Variants in STX11 observed in about 807,000 individuals in gnomAD.
The protein encoded by STX11 is syntaxin 11, also known as syntaxin-11.
STX11 carries 21 observed loss-of-function variants against 19.9 expected under a neutral mutation model. That is an observed-to-expected ratio of 1.06 (90% CI 0.75 to 1.52). The LOEUF (loss-of-function observed/expected upper bound fraction) is 1.52, where lower values mean the gene tolerates loss of function less well. Among genes scored for constraint, STX11 ranks in the 40% most tolerant of loss-of-function variants. The pLI is 0.00. For synonymous variants in STX11, 193 were observed against 174.4 expected, an observed-to-expected ratio of 1.11 and a Z score of -0.84; for missense variants, 438 against 405.9, an observed-to-expected ratio of 1.08 and a Z score of -0.68.
chr6:144,179,993 T>C (rs1305065031), intron 1 of STX11, among the ~76,000 whole-genome samples: 2 of 152,204 alleles, frequency 1.3e-5, no homozygotes, highest in Non-Finnish European at 1.5e-5. Context: ...AAAGACTCTC[T>C]TTTTCTTTCT....
intron 1 of STX11, among the ~76,000 whole-genome samples, chr6:144,186,110 A>G (rs1017792030): frequency 3.7e-5 from 5 of 135,888 alleles, no homozygotes; most frequent in Non-Finnish European, 7.6e-5. Context: ...ACATAAAGCA[A>G]TGAAAAGAGA....
rs1801318110 is a variant in STX11 at position 144,160,885 on chromosome 6, C to T, written c.-6+10182C>T. On this transcript the variant is annotated intron_variant, in intron 1 of 1. Transcript: ENST00000367568. This position sits in a 1 kb window ranked among gnomAD's most constrained non-coding sequence, Gnocchi z 4.3. ...AGGTCCTGTGATGACGACCATTTGCCATGTATTTTCATATCTTTCCTCACC... is the reference window on the plus strand; with the variant it reads ...AGGTCCTGTGATGACGACCATTTGCTATGTATTTTCATATCTTTCCTCACC... Among the ~76,000 whole-genome samples, 1 of 152,134 alleles carries T rather than the reference C, an allele frequency of 6.6e-6. No individual in the cohort carries two copies. Among genetic ancestry groups the T allele is most frequent in the South Asian group, 2.1e-4 (1 of 4,832 alleles).
At chr6:144,141,706 T>G in the STX11 span, among the ~76,000 whole-genome samples, 1 of 151,918 alleles carries the variant, frequency 6.6e-6, no homozygotes, top group Admixed American at 6.6e-5. Flanking sequence ...TGAGACAGGG[T>G]CTCATTCCAT....
intron 1 of STX11, among the ~76,000 whole-genome samples, chr6:144,181,232 C>T (rs1801904514): frequency 6.6e-6 from 1 of 152,034 alleles, no homozygotes; most frequent in African/African-American, 2.4e-5. Flanking sequence ...CAGGTTTTTG[C>T]TCATCGAGAT....
upstream of STX11, among the ~76,000 whole-genome samples, chr6:144,145,859 A>G (rs1800863821): frequency 6.6e-6 from 1 of 152,162 alleles, no homozygotes; most frequent in African/African-American, 2.4e-5. Context: ...TGGGAAGATA[A>G]AAATGTTCAG....
Position 144,152,906 on chromosome 6 carries a change from T to A in STX11, c.-6+2203T>A, listed in dbSNP as rs1227118173. Among the ~76,000 whole-genome samples the A allele has an allele frequency of 6.6e-6, 1 of 152,268 alleles. No homozygotes were observed. The highest frequency in any genetic ancestry group is 1.5e-5 in the Non-Finnish European group (1 of 68,050). On this transcript the variant is annotated intron_variant, in intron 1 of 1. Coordinates refer to ENST00000367568, the MANE Select transcript of STX11 (RefSeq NM_003764.4). This position sits in a 1 kb window ranked among gnomAD's most constrained non-coding sequence, Gnocchi z 4.9. Reference sequence around the variant, plus strand: ...GCCTTGGCCTCCCAAAGTGCTGGGATTGCAGATGTGAGCCACCATGCCCTG... The same window carrying A: ...GCCTTGGCCTCCCAAAGTGCTGGGAATGCAGATGTGAGCCACCATGCCCTG...
In STX11 at chr6:144,187,063, T is replaced by A; in HGVS notation, c.436T>A (p.Tyr146Asn). The change falls in exon 2 of 2, where the codon TAC becomes AAC. Residue 146 changes from tyrosine to asparagine, a missense_variant. Physicochemically the swap from Tyr to Asn is moderately radical, Grantham distance 143. Coordinates refer to ENST00000367568, the MANE Select transcript of STX11 (RefSeq NM_003764.4). This position sits in a 1 kb window ranked among gnomAD's most constrained non-coding sequence, Gnocchi z 5.6. ...CACCTTCCAGCGCGCCATGCACGAC[T>A]ACAACCAGGCCGAGATGAAGCAGCG... Reference protein sequence around the residue: ...TLTFQRAMHDYNQAEMKQRDN... With the variant: ...TLTFQRAMHDNNQAEMKQRDN... 1 of 1,613,394 alleles carries A rather than the reference T, an allele frequency of 6.2e-7. No homozygotes were observed. Among genetic ancestry groups the A allele is most frequent in the South Asian group, 1.1e-5 (1 of 91,086 alleles).
chr6:144,186,497 C>A, intron 1 of STX11, 126 bp from the exon 2 acceptor site: 1 of 1,129,780 alleles, frequency 8.9e-7, no homozygotes, highest in Non-Finnish European at 1.3e-6. Context: ...TCCTTTAGTG[C>A]ACTTATTGCC....
intron 1 of STX11, among the ~76,000 whole-genome samples, chr6:144,179,873 G>A (rs914499643): frequency 6.6e-6 from 1 of 152,344 alleles, no homozygotes; most frequent in East Asian, 1.9e-4. Context: ...TAGGAGGTAT[G>A]TCATAGAATC....
In STX11 at chr6:144,153,744, A is replaced by G. The variant is rs1266672546; in HGVS notation, c.-6+3041A>G. On this transcript the variant is annotated intron_variant, in intron 1 of 1. Transcript: ENST00000367568. The surrounding 1 kb of genome is among the most constrained non-coding windows in gnomAD (Gnocchi z 5.0). ...TCGGGCAGTGACAATGCAGATGGGA[A>G]AAGAGGGAAGGGGCTGGTAGAGGTT... 6.6e-6 allele frequency among the ~76,000 whole-genome samples: 1 copy of G among 152,184 alleles called. No homozygotes were observed. Among genetic ancestry groups the G allele is most frequent in the African/African-American group, 2.4e-5 (1 of 41,456 alleles).
chr6:144,143,042 CCAATT>C, the STX11 span, among the ~76,000 whole-genome samples: 6 of 152,116 alleles, frequency 3.9e-5, no homozygotes, highest in Non-Finnish European at 7.4e-5. Flanking sequence ...ATATTATGTA[CCAATT>C]CAAAACACTA....
Position 144,184,531 on chromosome 6 carries a change from T to C in STX11, c.-5-2092T>C, listed in dbSNP as rs571681617. 7.0e-4 allele frequency among the ~76,000 whole-genome samples: 107 copies of C among 152,254 alleles called. No homozygotes were observed. Among genetic ancestry groups the C allele is most frequent in the Non-Finnish European group, 1.4e-3 (92 of 68,040 alleles). The stretch of plus-strand genomic sequence containing the variant: ...CTCAGCAGTTTAATTTGCATTTCCT[T>C]GTTTAATACAGAAGTCTTTTGTGAC... On this transcript the variant is annotated intron_variant, in intron 1 of 1. Coordinates refer to ENST00000367568, the MANE Select transcript of STX11 (RefSeq NM_003764.4). This position sits in a 1 kb window ranked among gnomAD's most constrained non-coding sequence, Gnocchi z 6.5.
In STX11 at chr6:144,161,667, C is replaced by T. The variant is rs945061872; in HGVS notation, c.-6+10964C>T. ...ATAGGCATGAGCCACCGCACCCGGCCGGAAAATTTCTTAAGTTATTAACTG... is the reference window on the plus strand; with the variant it reads ...ATAGGCATGAGCCACCGCACCCGGCTGGAAAATTTCTTAAGTTATTAACTG... On this transcript the variant is annotated intron_variant, in intron 1 of 1. Coordinates refer to ENST00000367568, the MANE Select transcript of STX11 (RefSeq NM_003764.4). 4.6e-5 allele frequency among the ~76,000 whole-genome samples: 7 copies of T among 152,246 alleles called. No individual in the cohort carries two copies. The East Asian group carries it at 7.7e-4, about 17-fold the overall frequency.
intron 1 of STX11, among the ~76,000 whole-genome samples, chr6:144,173,787 C>T (rs1043226010): frequency 2.0e-5 from 3 of 152,202 alleles, no homozygotes; most frequent in African/African-American, 7.2e-5. Flanking sequence ...GTTTCCTCAC[C>T]ACTTCCACCC....
At position 144,189,044 on chromosome 6, in the gene STX11, G is replaced by T. The variant is rs1031515842; in HGVS notation, c.*1553G>T. Among the ~76,000 whole-genome samples the T allele has an allele frequency of 2.0e-5, 3 of 151,574 alleles. No homozygotes were observed. Among genetic ancestry groups the T allele is most frequent in the Non-Finnish European group, 4.4e-5 (3 of 67,902 alleles). The stretch of plus-strand genomic sequence containing the variant: ...CCTGGCCTTTTTTCCCCCCTTTTGA[G>T]ACAGGGTCTCCCTTTGTCACCCAGG... On this transcript the variant is annotated 3_prime_UTR_variant, in exon 2 of 2. Coordinates refer to ENST00000367568, the MANE Select transcript of STX11 (RefSeq NM_003764.4).
intron 1 of STX11, among the ~76,000 whole-genome samples, chr6:144,163,692 C>T (rs1284859727): frequency 2.0e-5 from 3 of 152,048 alleles, no homozygotes; most frequent in Non-Finnish European, 4.4e-5. Context: ...TCCATGTTGG[C>T]CAGGCTGGTC....
chr6:144,190,421 A>G lies in STX11; in HGVS notation c.*2930A>G, dbSNP rs530183863. Among the ~76,000 whole-genome samples the G allele has an allele frequency of 2.0e-5, 3 of 152,348 alleles. No homozygotes were observed. The highest frequency in any genetic ancestry group is 3.9e-4 in the East Asian group (2 of 5,194). Reference sequence around the variant, plus strand: ...AAGTGCTTTGTTCATTATTGTTGTTATTATGTAATTTTCTCTCAGACTGAG... The same window carrying G: ...AAGTGCTTTGTTCATTATTGTTGTTGTTATGTAATTTTCTCTCAGACTGAG... On this transcript the variant is annotated 3_prime_UTR_variant, in exon 2 of 2. Transcript: ENST00000367568.
rs55752736 is a variant in STX11, at chr6:144,176,027, T to C, written c.-5-10596T>C. 0.01 allele frequency among the ~76,000 whole-genome samples: 1,551 copies of C among 152,244 alleles called. 26 individuals are homozygous for C. The highest frequency in any genetic ancestry group is 0.035 in the African/African-American group (1,459 of 41,530). The stretch of plus-strand genomic sequence containing the variant: ...AACACAGGTTCTCTGCTAAACCCAC[T>C]TTTAGGAAAAAGAAAGAAGTGGCTG... On this transcript the variant is annotated intron_variant, in intron 1 of 1. Transcript: ENST00000367568. The surrounding 1 kb of genome is among the most constrained non-coding windows in gnomAD (Gnocchi z 4.1).
Position 144,180,320 on chromosome 6 carries a change from A to G in STX11, c.-5-6303A>G, listed in dbSNP as rs1358287623. The stretch of plus-strand genomic sequence containing the variant: ...CATGTTGGGAACAATGACTTTCACA[A>G]TTGTTCTTTGTAGCATCCAGTGTCT... On this transcript the variant is annotated intron_variant, in intron 1 of 1. Coordinates refer to ENST00000367568, the MANE Select transcript of STX11 (RefSeq NM_003764.4). The surrounding 1 kb of genome is among the most constrained non-coding windows in gnomAD (Gnocchi z 5.3). Among the ~76,000 whole-genome samples the G allele has an allele frequency of 6.6e-6, 1 of 152,188 alleles. No homozygotes were observed.
Sources: gnomAD v4.1 joint callset for allele counts (sites outside exome capture counted in the v4.1 genomes callset) on GRCh38, gnomAD v4.1.1 for gene constraint, Gnocchi (gnomAD v3.1) non-coding constraint, MANE v1.5 for transcripts, NCBI Gene and HGNC (gene_info 2026-07-23, HGNC 2026-07-21) for gene names.